OSBPL9: variants seen among roughly 807,000 people sequenced by gnomAD.
OSBPL9 encodes the protein oxysterol binding protein like 9.
OSBPL9 carries 40 observed loss-of-function variants against 106.6 expected under a neutral mutation model. The ratio of observed to expected loss-of-function variants is 0.38; its 90% CI spans 0.29 to 0.49. OSBPL9 has a LOEUF of 0.49. Ranked by LOEUF, OSBPL9 falls within the 20% of genes least tolerant of loss-of-function variation. The pLI is 0.97. For missense variants in OSBPL9, 609 were observed against 887.2 expected, an observed-to-expected ratio of 0.69 and a Z score of 3.98; for synonymous variants, 269 against 295.4, an observed-to-expected ratio of 0.91 and a Z score of 0.92.
At chr1:51,783,814 TA>T in intron 17 of OSBPL9, 100 bp from the exon 18 acceptor site, 1 of 851,338 alleles carries the variant, frequency 1.2e-6, no homozygotes, top group Non-Finnish European at 1.9e-6. Context: ...GTTTGAAGGG[TA>T]AAGGATTTCC....
intron 2 of OSBPL9, among the ~76,000 whole-genome samples, chr1:51,652,346 T>G (rs1430871116): frequency 2.0e-5 from 3 of 152,186 alleles, no homozygotes; most frequent in Non-Finnish European, 4.4e-5. Flanking sequence ...AGTTATGGTG[T>G]TGGTGGTATA....
At chr1:51,575,381 T>G (rs1645177325), upstream of OSBPL9, among the ~76,000 whole-genome samples, 1 of 151,702 alleles carries the variant, frequency 6.6e-6, no homozygotes, top group Non-Finnish European at 1.5e-5. Context: ...TTTTTTTTTT[T>G]TGTATTTTTA....
intron 15 of OSBPL9, among the ~76,000 whole-genome samples, chr1:51,779,800 G>A (rs932688352): frequency 6.6e-5 from 10 of 152,110 alleles, no homozygotes; most frequent in East Asian, 1.9e-4. Flanking sequence ...ATGGTTGGCC[G>A]GGCGCGGTGG....
intron 9 of OSBPL9, among the ~76,000 whole-genome samples, chr1:51,757,878 C>G (rs1670671764): frequency 6.6e-6 from 1 of 152,100 alleles, no homozygotes; most frequent in South Asian, 2.1e-4. Context: ...AGGTACAGAA[C>G]AAGCGCATAG....
intron 9 of OSBPL9, among the ~76,000 whole-genome samples, chr1:51,758,904 T>C (rs1424459710): frequency 6.6e-6 from 1 of 152,178 alleles, no homozygotes; most frequent in East Asian, 1.9e-4. Context: ...TATTATGGCT[T>C]GGTCTAGTAT....
upstream of OSBPL9, among the ~76,000 whole-genome samples, chr1:51,576,147 T>G (rs1645182502): frequency 6.6e-6 from 1 of 152,252 alleles, no homozygotes; most frequent in African/African-American, 2.4e-5. Flanking sequence ...GTCAATTTAA[T>G]TTTCAGGCCC....
At chr1:51,636,410 T>C (rs149437648) in intron 1 of OSBPL9, among the ~76,000 whole-genome samples, 327 of 151,456 alleles carry the variant, frequency 2.2e-3, no homozygotes, top group Middle Eastern at 6.8e-3. Context: ...ATGATTCAGC[T>C]CACTGCATCC....
At chr1:51,772,519 C>A in intron 13 of OSBPL9, 86 bp from the exon 14 acceptor site, 2 of 1,136,726 alleles carry the variant, frequency 1.8e-6, no homozygotes, top group South Asian at 1.2e-5. Flanking sequence ...CCATCTCAAA[C>A]AAACAAACAA....
intron 9 of OSBPL9, chr1:51,760,083 CAT>C (rs1212606717): frequency 1.6e-4 from 25 of 152,456 alleles, no homozygotes; most frequent in Admixed American, 1.6e-3. Context: ...TATTAGGTGT[CAT>C]AAGTAATTTA....
At chr1:51,544,350 G>GA in the OSBPL9 span, among the ~76,000 whole-genome samples, 12 of 150,576 alleles carry the variant, frequency 8.0e-5, no homozygotes, top group East Asian at 1.6e-3. Context: ...ATCTCTGAAG[G>GA]AAAAAAAAAG....
In OSBPL9 at chr1:51,729,652, C is replaced by T; in HGVS notation, c.318+15573C>T. On this transcript the variant is annotated intron_variant, in intron 4 of 23. Transcript: ENST00000428468. The surrounding 1 kb of genome is among the most constrained non-coding windows in gnomAD (Gnocchi z 5.1). ...TCCCGCGAGCTGCCAGCTCCCTCGGCCTCTCCACCCAAAACTGGCCCAACC... is the reference window on the plus strand; with the variant it reads ...TCCCGCGAGCTGCCAGCTCCCTCGGTCTCTCCACCCAAAACTGGCCCAACC... The T allele has an allele frequency of 3.0e-6, 1 of 332,006 alleles. No homozygotes were observed. The highest frequency in any genetic ancestry group is 5.0e-6 in the Non-Finnish European group (1 of 198,678). The allele number at this position is 332,006 out of a possible 1,614,324, so 20.6% of individuals were successfully genotyped here.
At chr1:51,544,734 T>C in the OSBPL9 span, among the ~76,000 whole-genome samples, 148 of 151,090 alleles carry the variant, frequency 9.8e-4, 1 homozygote, top group African/African-American at 3.5e-3. Flanking sequence ...AGGATAGAAC[T>C]AAATCTTAAT....
chr1:51,529,910 G>A, the OSBPL9 span, among the ~76,000 whole-genome samples: 19 of 151,600 alleles, frequency 1.3e-4, no homozygotes, highest in Middle Eastern at 3.4e-3. Flanking sequence ...GGTGGCTCAC[G>A]CCTGTAAACC....
At chr1:51,694,003 A>G (rs1655519376) in intron 3 of OSBPL9, among the ~76,000 whole-genome samples, 1 of 152,236 alleles carries the variant, frequency 6.6e-6, no homozygotes, top group Non-Finnish European at 1.5e-5. Context: ...AGGAGCTTAC[A>G]TTCTGTTGGA....
chr1:51,697,505 A>G (rs1432922058), intron 3 of OSBPL9, among the ~76,000 whole-genome samples: 1 of 130,042 alleles, frequency 7.7e-6, no homozygotes, highest in East Asian at 2.2e-4. Flanking sequence ...GCAAATAACC[A>G]CTTTATTTTG....
chr1:51,608,416 C>T (rs902674203), intron 2 of OSBPL9, among the ~76,000 whole-genome samples: 1 of 152,118 alleles, frequency 6.6e-6, no homozygotes, highest in Non-Finnish European at 1.5e-5. Flanking sequence ...CCTCAGCCTC[C>T]CCAGTAGCTG....
the OSBPL9 span, among the ~76,000 whole-genome samples, chr1:51,523,815 CTTTTA>C: frequency 2.6e-5 from 4 of 152,134 alleles, no homozygotes; most frequent in Non-Finnish European, 5.9e-5. Flanking sequence ...ATCAAAACTA[CTTTTA>C]TTTTCTTATT....
intron 9 of OSBPL9, among the ~76,000 whole-genome samples, chr1:51,759,254 A>C (rs1353860731): frequency 6.6e-6 from 1 of 151,960 alleles, no homozygotes; most frequent in Non-Finnish European, 1.5e-5. Flanking sequence ...GATCGAAAAG[A>C]CCTTATTTAA....
At chr1:51,756,287 A>G in intron 8 of OSBPL9, 33 bp from the exon 9 acceptor site, 1 of 1,585,976 alleles carries the variant, frequency 6.3e-7, no homozygotes, top group Non-Finnish European at 8.7e-7. Flanking sequence ...ACATGTAAGA[A>G]TGAAGTTAAT....
Sources: gnomAD v4.1 joint callset for allele counts (sites outside exome capture counted in the v4.1 genomes callset) on GRCh38, gnomAD v4.1.1 for gene constraint, Gnocchi (gnomAD v3.1) non-coding constraint, MANE v1.5 for transcripts, NCBI Gene and HGNC (gene_info 2026-07-23, HGNC 2026-07-21) for gene names.